ASH1L: variants seen among roughly 807,000 people sequenced by gnomAD.
The protein encoded by ASH1L is ASH1 like histone lysine methyltransferase.
In ASH1L, 23 loss-of-function variants were observed where a neutral mutation model predicts 269.0. The observed-to-expected ratio is 0.09, with a 90% CI of 0.06 to 0.12. The LOEUF (loss-of-function observed/expected upper bound fraction) is 0.12. Among genes scored for constraint, ASH1L ranks in the 10% least tolerant of loss-of-function variants. The probability of loss-of-function intolerance (pLI) is 1.00; values close to 1 mark genes in which losing one functional copy is unlikely to be tolerated. For synonymous variants in ASH1L, 1,187 were observed against 1,253.5 expected (o/e 0.95, Z 1.12); for missense variants, 2,912 against 3,567.8 (o/e 0.82, Z 4.68).
intron 2 of ASH1L, among the ~76,000 whole-genome samples, chr1:155,484,636 A>ACAAG (rs1666175091): frequency 6.6e-6 from 1 of 151,498 alleles, no homozygotes; most frequent in South Asian, 2.1e-4. Context: ...AAACAAACAA[A>ACAAG]CAAGCAAGCC....
At chr1:155,495,036 T>G (rs572186891) in intron 2 of ASH1L, among the ~76,000 whole-genome samples, 1 of 152,080 alleles carries the variant, frequency 6.6e-6, no homozygotes, top group East Asian at 1.9e-4. Context: ...CAAGTAGAAA[T>G]GAGAACATAC....
chr1:155,532,623 G>GT (rs1310482873), intron 1 of ASH1L, among the ~76,000 whole-genome samples: 1 of 151,926 alleles, frequency 6.6e-6, no homozygotes, highest in Non-Finnish European at 1.5e-5. Context: ...AGGAGTTCAA[G>GT]ACCAGCCTGG....
At chr1:155,389,860 GCTA>G (rs1657766543) in intron 7 of ASH1L, among the ~76,000 whole-genome samples, 1 of 148,114 alleles carries the variant, frequency 6.8e-6, no homozygotes, top group Non-Finnish European at 1.5e-5. Context: ...TAACCTTGCT[GCTA>G]CTACTACCAG....
chr1:155,422,537 C>A (rs1660785322), intron 5 of ASH1L, among the ~76,000 whole-genome samples: 1 of 151,768 alleles, frequency 6.6e-6, no homozygotes, highest in South Asian at 2.1e-4. Context: ...GGATTACAGG[C>A]ATGAGCCACT....
intron 7 of ASH1L, among the ~76,000 whole-genome samples, chr1:155,391,672 C>T (rs1030592606): frequency 3.3e-5 from 5 of 152,060 alleles, no homozygotes; most frequent in East Asian, 1.9e-4. Flanking sequence ...TAACTGGTTT[C>T]GGCCGGGCAC....
chr1:155,562,491 G>A lies in ASH1L; in HGVS notation c.-438C>T, dbSNP rs777933120. The A allele has an allele frequency of 3.1e-5, 46 of 1,479,932 alleles. No homozygotes were observed. The South Asian group carries it at 4.1e-4, about 13-fold the overall frequency. 91.7% of individuals were successfully genotyped at this position (1,479,932 alleles called of 1,614,324 possible). A position where few individuals can be genotyped will look rare whatever the true frequency, so the allele number is the denominator to read the frequency against. On this transcript the variant is annotated 5_prime_UTR_variant, in exon 1 of 28. Transcript: ENST00000392403. ...GGCGGCGGCAGCTCCTCCAGAGGGA[G>A]GGAGCGAAGGGCGCCTAGCGCCCCC...
At chr1:155,559,310 G>A (rs577805437) in intron 1 of ASH1L, among the ~76,000 whole-genome samples, 8 of 152,084 alleles carry the variant, frequency 5.3e-5, no homozygotes, top group African/African-American at 1.2e-4. Flanking sequence ...AGGCCGAGGC[G>A]GGTGGATCAT....
chr1:155,498,989 T>C (rs544553120), intron 2 of ASH1L, among the ~76,000 whole-genome samples: 20 of 150,780 alleles, frequency 1.3e-4, no homozygotes, highest in South Asian at 4.2e-4. Flanking sequence ...TGCATTTTAA[T>C]AGAAAGTCAC....
chr1:155,553,011 T>G (rs1487377015), intron 1 of ASH1L, among the ~76,000 whole-genome samples: 1 of 152,166 alleles, frequency 6.6e-6, no homozygotes, highest in Non-Finnish European at 1.5e-5. Flanking sequence ...TATCACCATA[T>G]TTTACAGTCA....
At chr1:155,376,717 T>C (rs1656481651) in intron 10 of ASH1L, among the ~76,000 whole-genome samples, 2 of 150,848 alleles carry the variant, frequency 1.3e-5, no homozygotes, top group African/African-American at 4.9e-5. Flanking sequence ...TAGCCAGGCA[T>C]GGTGGGGGGC....
intron 2 of ASH1L, among the ~76,000 whole-genome samples, chr1:155,502,843 C>T (rs1198291713): frequency 6.6e-6 from 1 of 152,088 alleles, no homozygotes; most frequent in Non-Finnish European, 1.5e-5. Context: ...TAATTTTTCT[C>T]ATTTATCTTA....
At chr1:155,346,795 G>A (rs752206879) in intron 20 of ASH1L, among the ~76,000 whole-genome samples, 11 of 152,144 alleles carry the variant, frequency 7.2e-5, no homozygotes, top group Non-Finnish European at 1.6e-4. Context: ...TCTGCTTTCA[G>A]AATACAGCTA....
At position 155,411,586 on chromosome 1, in the gene ASH1L, A is replaced by AATAAATATATATATATAT. The variant is rs1297131961; in HGVS notation, c.6008+4157_6008+4158insATATATATATATATTTAT. ...AAATATGAATATAAATAAATAAATA[A>AATAAATATATATATATAT]ATATATATATATATATATATATATA... On this transcript the variant is annotated intron_variant, in intron 6 of 27. Coordinates refer to ENST00000392403, the MANE Select transcript of ASH1L (RefSeq NM_018489.3). 1.8e-3 allele frequency among the ~76,000 whole-genome samples: 100 copies of AATAAATATATATATATAT among 55,060 alleles called. 1 individual carries two copies. Among genetic ancestry groups the AATAAATATATATATATAT allele is most frequent in the Admixed American group, 5.1e-3 (20 of 3,954 alleles). The allele number at this position is 55,060 out of a possible 152,430, so 36.1% of individuals were successfully genotyped here. A position where few individuals can be genotyped will look rare whatever the true frequency, so the allele number is the denominator to read the frequency against.
chr1:155,458,322 G>C (rs1348581671), intron 4 of ASH1L, among the ~76,000 whole-genome samples: 3 of 152,236 alleles, frequency 2.0e-5, no homozygotes, highest in Non-Finnish European at 4.4e-5. Context: ...TAGAAAGGCA[G>C]GAGATAATGT....
rs555295173 is a variant in ASH1L at position 155,360,379 on chromosome 1, G to A, written c.6717C>T (p.Leu2239=). Residue 2239 remains leucine, a synonymous_variant, in exon 13 of 28, where the codon CTC becomes CTT. Coordinates refer to ENST00000392403, the MANE Select transcript of ASH1L (RefSeq NM_018489.3). ...CAGCTGGCATGTCTTTAAGAGCATAGAGTCCAATCCGGTATACTCCATTAA... is the reference window on the plus strand; with the variant it reads ...CAGCTGGCATGTCTTTAAGAGCATAAAGTCCAATCCGGTATACTCCATTAA... ...WSVNGVYRIG[L]YALKDMPAGT... is the part of the protein sequence containing the mutation. The A allele has an allele frequency of 6.2e-7, 1 of 1,612,502 alleles. No individual in the cohort carries two copies. Among genetic ancestry groups the A allele is most frequent in the Non-Finnish European group, 8.5e-7 (1 of 1,178,612 alleles).
intron 6 of ASH1L, among the ~76,000 whole-genome samples, chr1:155,401,151 ACTCT>A (rs894810199): frequency 6.8e-6 from 1 of 147,294 alleles, no homozygotes; most frequent in Non-Finnish European, 1.5e-5. Flanking sequence ...ACAGAGTGAG[ACTCT>A]CTGTCTCAAA....
intron 5 of ASH1L, among the ~76,000 whole-genome samples, chr1:155,435,968 T>C (rs1028663083): frequency 6.6e-6 from 1 of 152,112 alleles, no homozygotes; most frequent in African/African-American, 2.4e-5. Flanking sequence ...GGAGAATCAC[T>C]TGAAACCACG....
chr1:155,383,194 A>G (rs1390749266), intron 7 of ASH1L, among the ~76,000 whole-genome samples: 2 of 152,238 alleles, frequency 1.3e-5, no homozygotes, highest in African/African-American at 4.8e-5. Flanking sequence ...TATAAAGTAA[A>G]AAAGCTACAG....
intron 6 of ASH1L, among the ~76,000 whole-genome samples, chr1:155,412,560 T>C (rs1659894671): frequency 6.6e-6 from 1 of 152,216 alleles, no homozygotes. Flanking sequence ...TGTCTTCATC[T>C]ATAGCGTCTG....
Sources: allele counts gnomAD v4.1 joint callset (sites outside exome capture counted in the v4.1 genomes callset), GRCh38; gene constraint gnomAD v4.1.1; transcripts MANE v1.5; gene names NCBI Gene and HGNC (gene_info 2026-07-23, HGNC 2026-07-21).